ARMC1: variants seen among roughly 807,000 people sequenced by gnomAD.
The protein encoded by ARMC1 is armadillo repeat-containing protein 1.
In ARMC1, 16 loss-of-function variants were observed where a neutral mutation model predicts 31.4. The observed-to-expected ratio is 0.51, with a 90% CI of 0.34 to 0.77. ARMC1 has a LOEUF of 0.77. Ranked by LOEUF, ARMC1 falls within the 30% of genes least tolerant of loss-of-function variation. The pLI is 0.01. For synonymous variants in ARMC1, 114 were observed against 118.9 expected, an observed-to-expected ratio of 0.96 and a Z score of 0.27; for missense variants, 259 against 347.5, an observed-to-expected ratio of 0.75 and a Z score of 2.02.
chr8:65,609,622 G>A (rs1050046701), intron 4 of ARMC1, among the ~76,000 whole-genome samples: 2 of 152,142 alleles, frequency 1.3e-5, no homozygotes, highest in East Asian at 3.9e-4. Flanking sequence ...CACTTTGGGA[G>A]GCCAAGGCGG....
intron 3 of ARMC1, among the ~76,000 whole-genome samples, 185 bp from the exon 4 acceptor site, chr8:65,613,618 T>G (rs187466189): frequency 2.0e-5 from 3 of 152,322 alleles, no homozygotes; most frequent in Non-Finnish European, 4.4e-5. Context: ...ATCTTCTAAT[T>G]TCATTTTAAA....
chr8:65,612,873 A>T (rs1808171697), intron 4 of ARMC1, among the ~76,000 whole-genome samples: 1 of 152,090 alleles, frequency 6.6e-6, no homozygotes, highest in Non-Finnish European at 1.5e-5. Context: ...AAAAATATAT[A>T]AAAAAATAAA....
At chr8:65,616,027 T>A (rs1022889374) in intron 3 of ARMC1, among the ~76,000 whole-genome samples, 1 of 152,196 alleles carries the variant, frequency 6.6e-6, no homozygotes, top group African/African-American at 2.4e-5. Context: ...TTTGAAAACC[T>A]GGATTATTTC....
chr8:65,607,149 G>A (rs767087366), intron 4 of ARMC1, among the ~76,000 whole-genome samples: 29 of 152,236 alleles, frequency 1.9e-4, no homozygotes, highest in Admixed American at 1.6e-3. Flanking sequence ...TCAGGGAGAC[G>A]TGGGACACGT....
intron 3 of ARMC1, among the ~76,000 whole-genome samples, chr8:65,617,925 G>A (rs1225500388): frequency 6.6e-6 from 1 of 150,572 alleles, no homozygotes; most frequent in Non-Finnish European, 1.5e-5. Flanking sequence ...TCGGCGGGGG[G>A]GGAGGGAGCA....
Position 65,624,992 on chromosome 8 carries a change from G to A in ARMC1, c.183+2224C>T, listed in dbSNP as rs546483081. Among the ~76,000 whole-genome samples, 11 of 152,174 alleles carry A rather than the reference G, an allele frequency of 7.2e-5. No homozygotes were observed. In the South Asian group the frequency reaches 1.0e-3, roughly 14 times the overall value. ...AAAAATTAGCCACATGTGATGGTGC[G>A]GGCCTGTAATTCTAGCTACTCAGAA... On this transcript the variant is annotated intron_variant, in intron 2 of 6. Transcript: ENST00000276569.
chr8:65,609,681 A>C (rs1033511167), intron 4 of ARMC1, among the ~76,000 whole-genome samples: 2 of 152,032 alleles, frequency 1.3e-5, no homozygotes, highest in African/African-American at 4.8e-5. Context: ...AATATGGTGA[A>C]ACCCCGTCTC....
At chr8:65,605,778 A>AT (rs150942596) in intron 4 of ARMC1, among the ~76,000 whole-genome samples, 4,828 of 152,236 alleles carry the variant, frequency 0.032, 284 homozygotes, top group African/African-American at 0.11. Context: ...AGTTTTAATA[A>AT]TTTTTTATCA....
Position 65,613,377 on chromosome 8 carries a change from T to G in ARMC1, c.332A>C (p.Gln111Pro). 1 of 1,610,044 alleles carries G rather than the reference T, an allele frequency of 6.2e-7. No homozygotes were observed. The highest frequency in any genetic ancestry group is 8.5e-7 in the Non-Finnish European group (1 of 1,178,574). Residue 111 changes from glutamine to proline, a missense_variant, in exon 4 of 7, where the codon CAG becomes CCG. By Grantham distance (76) the Gln-to-Pro change is moderately conservative (BLOSUM62 -1). Transcript: ENST00000276569. ...ATCACCATCTGCCATATTGGAGGAC[T>G]GAAGAATGTCATAGATTTCAGAGGC... Reference protein sequence around the residue: ...LLASEIYDILQSSNMADGDSF... With the variant: ...LLASEIYDILPSSNMADGDSF...
At chr8:65,605,617 G>T in intron 4 of ARMC1, 79 bp from the exon 5 acceptor site, 1 of 981,926 alleles carries the variant, frequency 1.0e-6, no homozygotes, top group Non-Finnish European at 1.6e-6. Context: ...CTATATTTTG[G>T]AGGGGGGAAG....
intron 4 of ARMC1, among the ~76,000 whole-genome samples, chr8:65,605,906 A>G (rs556103817): frequency 1.1e-4 from 17 of 152,336 alleles, no homozygotes; most frequent in Admixed American, 7.8e-4. Flanking sequence ...GGGGAAAACT[A>G]TAGTCCACCA....
chr8:65,611,918 C>T (rs532986992), intron 4 of ARMC1, among the ~76,000 whole-genome samples: 4 of 151,702 alleles, frequency 2.6e-5, no homozygotes, highest in Non-Finnish European at 4.4e-5. Context: ...GGACTACAGG[C>T]GCACCACCAT....
Position 65,627,400 on chromosome 8 carries a change from T to G in ARMC1, c.-2A>C. 6.4e-7 allele frequency: 1 copy of G among 1,567,042 alleles called. No individual in the cohort carries two copies. Among genetic ancestry groups the G allele is most frequent in the Non-Finnish European group, 8.7e-7 (1 of 1,154,890 alleles). ...CATGGTGGAAGTGGAAGAATTCATC[T>G]TCTATGCCATGCACATGAATAAAAT... On this transcript the variant is annotated 5_prime_UTR_variant, in exon 2 of 7. Transcript: ENST00000276569.
chr8:65,604,658 A>G (rs1039495097), intron 6 of ARMC1, 73 bp from the exon 7 acceptor site: 2 of 1,411,942 alleles, frequency 1.4e-6, no homozygotes, highest in Non-Finnish European at 1.9e-6. Context: ...GGTTATTCTC[A>G]GGGTAAATTT....
chr8:65,612,393 C>T (rs1436558225), intron 4 of ARMC1, among the ~76,000 whole-genome samples: 4 of 151,396 alleles, frequency 2.6e-5, no homozygotes, highest in Admixed American at 1.3e-4. Flanking sequence ...GAGTTCGAGC[C>T]TGCAGTAGAC....
In ARMC1 at chr8:65,603,581, A is replaced by G. The variant is rs1807939034; in HGVS notation, c.*813T>C. On this transcript the variant is annotated 3_prime_UTR_variant, in exon 7 of 7. Coordinates refer to ENST00000276569, the MANE Select transcript of ARMC1 (RefSeq NM_018120.6). ...CGTATAATCACAAAGTAAGGCCTAG[A>G]GACCATTTATAGTTGTTTGCAATAT... The G allele has an allele frequency of 6.6e-6, 1 of 152,200 alleles. No homozygotes were observed. The highest frequency in any genetic ancestry group is 1.5e-5 in the Non-Finnish European group (1 of 68,030). 9.4% of individuals were successfully genotyped at this position (152,200 alleles called of 1,614,324 possible). A position where few individuals can be genotyped will look rare whatever the true frequency, so the allele number is the denominator to read the frequency against.
At chr8:65,628,940 T>C (rs1585722002) in intron 1 of ARMC1, among the ~76,000 whole-genome samples, 1 of 151,330 alleles carries the variant, frequency 6.6e-6, no homozygotes, top group African/African-American at 2.4e-5. Context: ...GATCACCTGA[T>C]GTCAGGAGTT....
intron 2 of ARMC1, among the ~76,000 whole-genome samples, chr8:65,623,010 A>AT (rs911397968): frequency 6.7e-6 from 1 of 149,770 alleles, no homozygotes; most frequent in African/African-American, 2.5e-5. Context: ...CTCAAAAAAA[A>AT]TTAAAAAAAA....
chr8:65,605,370 T>C (rs1183040742), intron 5 of ARMC1, 33 bp from the exon 6 acceptor site: 7 of 1,613,232 alleles, frequency 4.3e-6, no homozygotes, highest in Non-Finnish European at 5.9e-6. Context: ...AATTTTGAAA[T>C]TGATTTGTTT....
Sources: allele counts gnomAD v4.1 joint callset (sites outside exome capture counted in the v4.1 genomes callset), GRCh38; gene constraint gnomAD v4.1.1; transcripts MANE v1.5; gene names NCBI Gene and HGNC (gene_info 2026-07-23, HGNC 2026-07-21).